RALYL: variants seen among roughly 807,000 people sequenced by gnomAD.
RALYL encodes the protein RNA-binding Raly-like protein.
RALYL carries 29 observed loss-of-function variants against 35.1 expected under a neutral mutation model. That is an observed-to-expected ratio of 0.83 (90% CI 0.61 to 1.13). RALYL has a LOEUF of 1.13. RALYL is among the 50% of genes most tolerant of loss of function. The pLI is 0.00. For missense variants in RALYL, 359 were observed against 360.4 expected, an observed-to-expected ratio of 1.00 and a Z score of 0.03; for synonymous variants, 120 against 127.6, an observed-to-expected ratio of 0.94 and a Z score of 0.40.
rs184162056 is a variant in RALYL, at chr8:84,227,983, A to C, written c.-24+43559A>C. On this transcript the variant is annotated intron_variant, in intron 1 of 8. Transcript: ENST00000521268. ...CATAGAGAAGGCTTACTGACATGGC[A>C]CATACAGAATGGTAAACAGATAGCT... is the stretch of plus-strand genomic sequence containing the variant. Among the ~76,000 whole-genome samples, 16 of 152,254 alleles carry C rather than the reference A, an allele frequency of 1.1e-4. No homozygotes were observed. In the East Asian group the frequency reaches 2.9e-3, roughly 28 times the overall value.
At chr8:84,677,982 A>G (rs1247566878) in intron 2 of RALYL, among the ~76,000 whole-genome samples, 1 of 152,216 alleles carries the variant, frequency 6.6e-6, no homozygotes, top group Non-Finnish European at 1.5e-5. Context: ...TGCTAGAGCT[A>G]TAGATTTTTC....
At position 84,677,263 on chromosome 8, in the gene RALYL, T is replaced by G. The variant is rs535557119; in HGVS notation, c.257-97316T>G. On this transcript the variant is annotated intron_variant, in intron 2 of 8. Coordinates refer to ENST00000521268, the MANE Select transcript of RALYL (RefSeq NM_173848.7). ...ATAAAATTTGATCTTGATTAGCCTT[T>G]TATTAAATAGACCAATAAAAAGTTA... Among the ~76,000 whole-genome samples the G allele has an allele frequency of 1.5e-3, 221 of 152,362 alleles. 3 individuals carry two copies. The highest frequency in any genetic ancestry group is 8.5e-4 in the Non-Finnish European group (58 of 68,040).
At chr8:84,739,605 T>G (rs1301226799) in intron 2 of RALYL, among the ~76,000 whole-genome samples, 1 of 151,756 alleles carries the variant, frequency 6.6e-6, no homozygotes, top group Non-Finnish European at 1.5e-5. Context: ...ATACACAATA[T>G]ATGTATGTAT....
chr8:84,619,178 A>G (rs1820626409), intron 2 of RALYL, among the ~76,000 whole-genome samples: 2 of 151,592 alleles, frequency 1.3e-5, no homozygotes, highest in Non-Finnish European at 2.9e-5. Context: ...TGATCTGTCT[A>G]ATGTTGACAG....
chr8:84,492,496 G>T (rs963828191), intron 1 of RALYL, among the ~76,000 whole-genome samples: 7 of 152,086 alleles, frequency 4.6e-5, no homozygotes, highest in African/African-American at 1.7e-4. Flanking sequence ...AAAGTCTGCA[G>T]TCTGACCTTA....
At chr8:84,309,694 T>G (rs563133061) in intron 1 of RALYL, among the ~76,000 whole-genome samples, 1 of 152,130 alleles carries the variant, frequency 6.6e-6, no homozygotes, top group Non-Finnish European at 1.5e-5. Context: ...CAAACATTAA[T>G]AAAGGTAACA....
At chr8:84,545,805 CTCTT>C (rs1213198828) in intron 2 of RALYL, among the ~76,000 whole-genome samples, 3 of 152,040 alleles carry the variant, frequency 2.0e-5, no homozygotes, top group Admixed American at 2.0e-4. Flanking sequence ...TACAAGTTGT[CTCTT>C]TCTTAAGTGG....
At chr8:84,901,594 T>C (rs538888080) in intron 8 of RALYL, among the ~76,000 whole-genome samples, 2 of 152,194 alleles carry the variant, frequency 1.3e-5, no homozygotes, top group Admixed American at 6.5e-5. Flanking sequence ...GTTTTTCTTT[T>C]ATGAGAGGAG....
intron 1 of RALYL, among the ~76,000 whole-genome samples, chr8:84,477,167 C>A (rs1319388993): frequency 6.6e-6 from 1 of 152,064 alleles, no homozygotes; most frequent in African/African-American, 2.4e-5. Flanking sequence ...AGTCTTTATT[C>A]TCATTGCCAC....
At chr8:84,306,386 C>T (rs184141686) in intron 1 of RALYL, among the ~76,000 whole-genome samples, 466 of 152,188 alleles carry the variant, frequency 3.1e-3, no homozygotes, top group Middle Eastern at 6.8e-3. Flanking sequence ...GATTCTGGAA[C>T]CATGTCTATC....
chr8:84,894,649 A>G (rs113079794), intron 8 of RALYL, among the ~76,000 whole-genome samples: 34 of 152,194 alleles, frequency 2.2e-4, no homozygotes, highest in African/African-American at 7.9e-4. Context: ...ATGGGATATG[A>G]CTCAGCCTTT....
At chr8:84,190,756 A>G (rs1813650067) in intron 1 of RALYL, among the ~76,000 whole-genome samples, 1 of 152,340 alleles carries the variant, frequency 6.6e-6, no homozygotes. Flanking sequence ...ATGGAAATTC[A>G]GGTCTAGAGC....
intron 1 of RALYL, among the ~76,000 whole-genome samples, chr8:84,458,755 A>G (rs2050419033): frequency 6.6e-6 from 1 of 151,802 alleles, no homozygotes; most frequent in African/African-American, 2.4e-5. Flanking sequence ...AAAGTAGTTT[A>G]GTTAACCTAA....
At chr8:84,686,367 A>G (rs548913328) in intron 2 of RALYL, among the ~76,000 whole-genome samples, 1 of 151,934 alleles carries the variant, frequency 6.6e-6, no homozygotes, top group Admixed American at 6.6e-5. Context: ...AACTGCCAGC[A>G]TGTTATTTAG....
chr8:84,355,287 C>G (rs1435752094), intron 1 of RALYL, among the ~76,000 whole-genome samples: 1 of 150,430 alleles, frequency 6.6e-6, no homozygotes, highest in Non-Finnish European at 1.5e-5. Context: ...TCAGCTGCCC[C>G]ATATCGCATA....
chr8:84,681,737 G>T (rs1564364230), intron 2 of RALYL, among the ~76,000 whole-genome samples: 1 of 152,168 alleles, frequency 6.6e-6, no homozygotes, highest in Non-Finnish European at 1.5e-5. Context: ...AGGAGAGTTT[G>T]GGCTGAGACA....
At chr8:84,265,063 G>A (rs1833031388) in intron 1 of RALYL, among the ~76,000 whole-genome samples, 1 of 152,216 alleles carries the variant, frequency 6.6e-6, no homozygotes, top group Admixed American at 6.5e-5. Context: ...TGAGCTAGAT[G>A]TGCTTGTAAA....
chr8:84,238,514 C>T (rs1827116345), intron 1 of RALYL, among the ~76,000 whole-genome samples: 1 of 152,070 alleles, frequency 6.6e-6, no homozygotes, highest in Non-Finnish European at 1.5e-5. Flanking sequence ...CATATATCAA[C>T]CAGCTACTAC....
chr8:84,324,189 A>C (rs1481363952), intron 1 of RALYL, among the ~76,000 whole-genome samples: 2 of 152,096 alleles, frequency 1.3e-5, no homozygotes, highest in Non-Finnish European at 2.9e-5. Context: ...GGTTTGAGCT[A>C]TTCAACTAAA....
Sources: allele counts gnomAD v4.1 joint callset (sites outside exome capture counted in the v4.1 genomes callset), GRCh38; gene constraint gnomAD v4.1.1; transcripts MANE v1.5; gene names NCBI Gene and HGNC (gene_info 2026-07-23, HGNC 2026-07-21).